PCSK5: variants seen among roughly 807,000 people sequenced by gnomAD.
The protein encoded by PCSK5 is proprotein convertase subtilisin/kexin type 5.
PCSK5 carries 129 observed loss-of-function variants against 233.2 expected under a neutral mutation model. The ratio of observed to expected loss-of-function variants is 0.55; its 90% CI spans 0.48 to 0.64. The LOEUF (loss-of-function observed/expected upper bound fraction) is 0.64, where lower values mean the gene tolerates loss of function less well. PCSK5 is among the 30% of genes least tolerant of loss of function. PCSK5 has a pLI of 0.00. For missense variants in PCSK5, 2,076 were observed against 2,430.1 expected, an observed-to-expected ratio of 0.85 and a Z score of 3.06; for synonymous variants, 825 against 879.2, an observed-to-expected ratio of 0.94 and a Z score of 1.09.
chr9:76,299,442 G>A (rs140945453), intron 27 of PCSK5, among the ~76,000 whole-genome samples: 10,246 of 152,218 alleles, frequency 0.067, 386 homozygotes, highest in Non-Finnish European at 0.078. Flanking sequence ...GCCGAGGCGG[G>A]TGGATCTCTT....
At chr9:76,196,448 C>G (rs896984223) in intron 20 of PCSK5, among the ~76,000 whole-genome samples, 10 of 152,220 alleles carry the variant, frequency 6.6e-5, no homozygotes, top group African/African-American at 2.4e-4. Flanking sequence ...AACGAGCTAG[C>G]TAAAAACAGC....
rs7028037 is a variant in PCSK5, at chr9:76,088,410, G to C, written c.895-7480G>C. On this transcript the variant is annotated intron_variant, in intron 7 of 37. Coordinates refer to ENST00000674117, the MANE Select transcript of PCSK5 (RefSeq NM_001372043.1). Reference sequence around the variant, plus strand: ...AATAAATAAAGCATAATTAATGAGCGTTTGCTTTAAAATACATATAATAGT... The same window carrying C: ...AATAAATAAAGCATAATTAATGAGCCTTTGCTTTAAAATACATATAATAGT... 9.8e-3 allele frequency among the ~76,000 whole-genome samples: 1,485 copies of C among 152,264 alleles called. 8 individuals carry two copies. The highest frequency in any genetic ancestry group is 0.014 in the Non-Finnish European group (940 of 68,010).
chr9:76,227,514 G>A lies in PCSK5; in HGVS notation c.2638G>A (p.Asp880Asn), dbSNP rs573162013. 1.2e-6 allele frequency: 2 copies of A among 1,610,670 alleles called. No individual in the cohort carries two copies. The highest frequency in any genetic ancestry group is 1.3e-5 in the African/African-American group (1 of 74,998). Residue 880 changes from aspartate to asparagine, a missense_variant, in exon 21 of 38, where the codon GAT (aspartate) becomes AAT (asparagine). This residue lies in a region of PCSK5 where 1,510 missense variants were observed against 1,538.1 expected (regional missense o/e 0.98). Coordinates refer to ENST00000674117, the MANE Select transcript of PCSK5 (RefSeq NM_001372043.1). The part of the protein sequence containing the change: ...GAICKDGEYV[D>N]EHGHCQTCEA... ...ATTTTGTTCCCCAGGAGAATATGTT[G>A]ATGAGCATGGCCACTGCCAGACCTG...
intron 9 of PCSK5, among the ~76,000 whole-genome samples, chr9:76,130,570 A>T (rs955978529): frequency 6.6e-6 from 1 of 152,216 alleles, no homozygotes; most frequent in Non-Finnish European, 1.5e-5. Flanking sequence ...TGCAACAATC[A>T]TGCACATAAA....
intron 24 of PCSK5, among the ~76,000 whole-genome samples, chr9:76,247,187 T>A (rs956347543): frequency 6.6e-6 from 1 of 152,134 alleles, no homozygotes; most frequent in Non-Finnish European, 1.5e-5. Flanking sequence ...CCCTGCCTGA[T>A]CTGGAGGGAT....
intron 34 of PCSK5, among the ~76,000 whole-genome samples, chr9:76,334,215 C>T (rs1429763628): frequency 1.3e-5 from 2 of 152,178 alleles, no homozygotes; most frequent in African/African-American, 4.8e-5. Context: ...AACCATCTCC[C>T]ACAGGGTCCC....
At chr9:76,195,732 A>C (rs914936421) in intron 20 of PCSK5, 2 of 152,188 alleles carry the variant, frequency 1.3e-5, no homozygotes, top group Non-Finnish European at 2.9e-5. Flanking sequence ...ACCCATTGTT[A>C]AATCCAAATC....
intron 3 of PCSK5, among the ~76,000 whole-genome samples, chr9:76,013,952 T>C (rs1317097878): frequency 6.6e-6 from 1 of 152,104 alleles, no homozygotes; most frequent in Non-Finnish European, 1.5e-5. Context: ...CAACTTTTTT[T>C]TTTTTTGACT....
At chr9:76,031,275 C>G (rs1184738297) in intron 5 of PCSK5, among the ~76,000 whole-genome samples, 3 of 152,130 alleles carry the variant, frequency 2.0e-5, no homozygotes, top group Admixed American at 1.3e-4. Context: ...AAATGAGTAG[C>G]TTTGTAGTTT....
At chr9:76,150,920 A>T (rs1823647371) in intron 10 of PCSK5, among the ~76,000 whole-genome samples, 1 of 152,082 alleles carries the variant, frequency 6.6e-6, no homozygotes. Flanking sequence ...AACTGCCGAC[A>T]TGAGACTGAA....
chr9:76,230,163 G>A (rs1826031156), intron 21 of PCSK5, among the ~76,000 whole-genome samples: 1 of 152,156 alleles, frequency 6.6e-6, no homozygotes, highest in Admixed American at 6.5e-5. Flanking sequence ...AATATTTTGG[G>A]GGGAGGTTGG....
intron 2 of PCSK5, among the ~76,000 whole-genome samples, chr9:75,949,253 C>G (rs1368399570): frequency 6.6e-6 from 1 of 151,510 alleles, no homozygotes; most frequent in East Asian, 1.9e-4. Context: ...AATTTTAAGA[C>G]TAGGGTTAAG....
intron 5 of PCSK5, among the ~76,000 whole-genome samples, chr9:76,066,691 C>A (rs2131593529): frequency 6.6e-6 from 1 of 152,162 alleles, no homozygotes; most frequent in East Asian, 1.9e-4. Context: ...GAAAAATATA[C>A]ATAATATTAC....
chr9:76,003,895 A>C (rs1402800353), intron 3 of PCSK5, among the ~76,000 whole-genome samples: 1 of 151,956 alleles, frequency 6.6e-6, no homozygotes, highest in African/African-American at 2.4e-5. Flanking sequence ...TGCAGCAAAA[A>C]ACTCCTGGGC....
chr9:76,210,869 C>T (rs1481786717), intron 20 of PCSK5, among the ~76,000 whole-genome samples: 3 of 152,050 alleles, frequency 2.0e-5, no homozygotes, highest in African/African-American at 7.2e-5. Context: ...GAGAGCTGTT[C>T]AGGAGATAGA....
chr9:76,341,739 C>G (rs536518434), intron 35 of PCSK5, among the ~76,000 whole-genome samples: 1 of 152,318 alleles, frequency 6.6e-6, no homozygotes, highest in East Asian at 1.9e-4. Context: ...TCCATTAACT[C>G]TAACCCTGTC....
chr9:76,070,629 T>G (rs1044101604), intron 6 of PCSK5, among the ~76,000 whole-genome samples: 1 of 152,216 alleles, frequency 6.6e-6, no homozygotes, highest in Admixed American at 6.5e-5. Context: ...AGTGGCTATG[T>G]ATATATATGT....
At chr9:75,924,419 G>A (rs561675083) in intron 1 of PCSK5, among the ~76,000 whole-genome samples, 8 of 152,310 alleles carry the variant, frequency 5.3e-5, no homozygotes, top group East Asian at 3.9e-4. Context: ...TAGCATTTAC[G>A]AATCTAGGTG....
intron 5 of PCSK5, among the ~76,000 whole-genome samples, chr9:76,060,391 T>A (rs1829984071): frequency 6.6e-6 from 1 of 152,134 alleles, no homozygotes; most frequent in South Asian, 2.1e-4. Flanking sequence ...GGAAAATTAT[T>A]TTAGTATTCA....
Sources: gnomAD v4.1 joint callset for allele counts (sites outside exome capture counted in the v4.1 genomes callset) on GRCh38, gnomAD v4.1.1 for gene constraint, gnomAD v4.1.1 regional missense constraint, MANE v1.5 for transcripts, NCBI Gene and HGNC (gene_info 2026-07-23, HGNC 2026-07-21) for gene names.